Variants in SPAG16 observed in about 807,000 individuals in gnomAD.
The protein encoded by SPAG16 is sperm associated antigen 16.
In SPAG16, 86 loss-of-function variants were observed where a neutral mutation model predicts 80.4. The observed-to-expected ratio is 1.07, with a 90% CI of 0.90 to 1.28. The LOEUF (loss-of-function observed/expected upper bound fraction) is 1.28, where lower values mean the gene tolerates loss of function less well. Among genes scored for constraint, SPAG16 ranks in the 50% most tolerant of loss-of-function variants. The pLI is 0.00. For synonymous variants in SPAG16, 294 were observed against 265.9 expected (o/e 1.11, Z -1.03); for missense variants, 870 against 765.3 (o/e 1.14, Z -1.61).
At chr2:213,988,521 G>T (rs2046127845) in intron 12 of SPAG16, among the ~76,000 whole-genome samples, 1 of 151,974 alleles carries the variant, frequency 6.6e-6, no homozygotes, top group Non-Finnish European at 1.5e-5. Flanking sequence ...ATTCACAGGA[G>T]AATTAGAAAT....
At chr2:214,085,006 G>C (rs2051626834) in intron 13 of SPAG16, among the ~76,000 whole-genome samples, 1 of 152,176 alleles carries the variant, frequency 6.6e-6, no homozygotes, top group Non-Finnish European at 1.5e-5. Flanking sequence ...TTCATGTTGT[G>C]TGAGGGAGTT....
intron 13 of SPAG16, among the ~76,000 whole-genome samples, chr2:214,074,410 G>A (rs2050961948): frequency 6.6e-6 from 1 of 152,072 alleles, no homozygotes. Flanking sequence ...ATTAATCCTA[G>A]ATAAACTATA....
chr2:213,407,613 GA>G (rs2068692712), intron 9 of SPAG16, among the ~76,000 whole-genome samples: 1 of 123,354 alleles, frequency 8.1e-6, no homozygotes. Context: ...GAGAGAGAGA[GA>G]GAGAGAGAGA....
chr2:213,983,350 G>T (rs773480363), intron 12 of SPAG16, among the ~76,000 whole-genome samples: 26 of 151,620 alleles, frequency 1.7e-4, no homozygotes, highest in Non-Finnish European at 3.5e-4. Flanking sequence ...TTGTTTTTCA[G>T]AATAATAATA....
At chr2:214,402,253 G>T (rs73072727) in intron 15 of SPAG16, among the ~76,000 whole-genome samples, 28 of 151,892 alleles carry the variant, frequency 1.8e-4, no homozygotes, top group African/African-American at 6.8e-4. Context: ...ACCACAGTAA[G>T]TGTGCCTCAA....
intron 10 of SPAG16, among the ~76,000 whole-genome samples, chr2:213,552,228 C>T (rs13426014): frequency 0.024 from 3,721 of 152,226 alleles, 150 homozygotes; most frequent in African/African-American, 0.083. Flanking sequence ...AGACACTCTG[C>T]GCCCCATAAA....
intron 15 of SPAG16, among the ~76,000 whole-genome samples, chr2:214,399,902 T>A (rs1334773349): frequency 6.6e-6 from 1 of 152,084 alleles, no homozygotes; most frequent in Non-Finnish European, 1.5e-5. Flanking sequence ...TCCAGATATA[T>A]GGGGTTCCTG....
chr2:213,797,099 A>G (rs2071090497), intron 10 of SPAG16, among the ~76,000 whole-genome samples: 1 of 152,116 alleles, frequency 6.6e-6, no homozygotes, highest in African/African-American at 2.4e-5. Flanking sequence ...ATAAGAATAT[A>G]AGGAAAATAT....
At chr2:214,072,055 A>T (rs1053205269) in intron 13 of SPAG16, among the ~76,000 whole-genome samples, 2 of 152,138 alleles carry the variant, frequency 1.3e-5, no homozygotes, top group Non-Finnish European at 2.9e-5. Context: ...GAACTTTTTT[A>T]AAAGCATTAT....
intron 9 of SPAG16, among the ~76,000 whole-genome samples, chr2:213,393,306 A>C (rs2067865012): frequency 6.6e-6 from 1 of 151,816 alleles, no homozygotes; most frequent in Admixed American, 6.6e-5. Flanking sequence ...GAATTTGTAG[A>C]TTAAATATAG....
intron 15 of SPAG16, among the ~76,000 whole-genome samples, chr2:214,151,685 T>C (rs935188052): frequency 1.3e-5 from 2 of 152,170 alleles, no homozygotes; most frequent in Non-Finnish European, 2.9e-5. Flanking sequence ...CCATTTTTTC[T>C]AGTCAAAACT....
At chr2:213,722,084 A>G (rs1473942783) in intron 10 of SPAG16, among the ~76,000 whole-genome samples, 1 of 152,236 alleles carries the variant, frequency 6.6e-6, no homozygotes, top group East Asian at 1.9e-4. Flanking sequence ...TCAAGGGGGA[A>G]GAAATATTAC....
intron 11 of SPAG16, among the ~76,000 whole-genome samples, chr2:213,905,861 C>T (rs1031124444): frequency 6.6e-6 from 1 of 152,060 alleles, no homozygotes; most frequent in Non-Finnish European, 1.5e-5. Context: ...ATGGGCAAGC[C>T]ATGGGAATAT....
intron 11 of SPAG16, among the ~76,000 whole-genome samples, chr2:213,867,700 A>G (rs892084242): frequency 2.0e-5 from 3 of 151,866 alleles, no homozygotes; most frequent in African/African-American, 7.3e-5. Flanking sequence ...AGGCGGGCGG[A>G]TCATGAGGTC....
chr2:213,345,796 G>A (rs1447973879), intron 6 of SPAG16, among the ~76,000 whole-genome samples: 1 of 152,104 alleles, frequency 6.6e-6, no homozygotes, highest in Non-Finnish European at 1.5e-5. Context: ...TTGTAGTGTA[G>A]TTTGAAGTCA....
chr2:213,306,953 C>T (rs572809917), intron 3 of SPAG16, among the ~76,000 whole-genome samples: 3 of 152,132 alleles, frequency 2.0e-5, no homozygotes, highest in Non-Finnish European at 4.4e-5. Context: ...TATGAAGTTG[C>T]CTTTTTGTGT....
intron 10 of SPAG16, among the ~76,000 whole-genome samples, chr2:213,707,936 T>C (rs1172360528): frequency 6.6e-6 from 1 of 152,152 alleles, no homozygotes; most frequent in Non-Finnish European, 1.5e-5. Context: ...TAATGAACAA[T>C]GATAGAGTAA....
At chr2:213,523,932 C>T (rs941534039) in intron 10 of SPAG16, among the ~76,000 whole-genome samples, 8 of 152,176 alleles carry the variant, frequency 5.3e-5, no homozygotes, top group African/African-American at 1.7e-4. Flanking sequence ...AAGAAAACCC[C>T]ATTTTCTGGG....
intron 12 of SPAG16, among the ~76,000 whole-genome samples, chr2:213,999,275 A>G (rs2046676223): frequency 6.6e-6 from 1 of 152,192 alleles, no homozygotes; most frequent in Admixed American, 6.5e-5. Context: ...TTTGCCCTGC[A>G]TCCCAGATGC....
Sources: gnomAD v4.1 joint callset for allele counts (sites outside exome capture counted in the v4.1 genomes callset) on GRCh38, gnomAD v4.1.1 for gene constraint, MANE v1.5 for transcripts, NCBI Gene and HGNC (gene_info 2026-07-23, HGNC 2026-07-21) for gene names.